Variants in TSGA13 observed in about 807,000 individuals in gnomAD.
TSGA13 encodes testis specific 13, also known as testis-specific gene 13 protein.
Under a neutral mutation model 35.1 loss-of-function variants are expected in TSGA13, and 37 were observed. The ratio of observed to expected loss-of-function variants is 1.05; its 90% CI spans 0.81 to 1.39. The LOEUF is 1.39. Ranked by LOEUF, TSGA13 falls within the 40% of genes most tolerant of loss-of-function variation. The probability of loss-of-function intolerance (pLI) is 0.00; values close to 1 mark genes in which losing one functional copy is unlikely to be tolerated. For missense variants in TSGA13, 338 were observed against 328.5 expected, an observed-to-expected ratio of 1.03 and a Z score of -0.22; for synonymous variants, 124 against 121.2, an observed-to-expected ratio of 1.02 and a Z score of -0.15.
Position 130,672,750 on chromosome 7 carries a change from G to C in TSGA13, c.514C>G (p.Arg172Gly), listed in dbSNP as rs782135658. Residue 172 changes from arginine to glycine, a missense_variant, in exon 6 of 8, where the codon CGA (arginine) becomes GGA (glycine). Physicochemically the swap from Arg to Gly is moderately radical, Grantham distance 125 (BLOSUM62 -2). Transcript: ENST00000356588. ...LILSDDPTSK[R>G]EQWFRFSTDN... ...AGATTTCACCTAAACCATTGTTCTC[G>C]CTTGGATGTGGGATCATCCGACAGT... The C allele has an allele frequency of 4.3e-6, 7 of 1,613,360 alleles. No individual in the cohort carries two copies. Among genetic ancestry groups the C allele is most frequent in the African/African-American group, 4.0e-5 (3 of 74,888 alleles).
At chr7:130,686,095 T>C (rs1381171030) in intron 1 of TSGA13, among the ~76,000 whole-genome samples, 167 bp downstream of exon 1, 2 of 152,200 alleles carry the variant, frequency 1.3e-5, no homozygotes, top group East Asian at 3.8e-4. Flanking sequence ...CAAATTCCTA[T>C]GAAGCCCACA....
At chr7:130,682,899 A>G (rs889161863) in intron 3 of TSGA13, among the ~76,000 whole-genome samples, 2 of 152,220 alleles carry the variant, frequency 1.3e-5, no homozygotes, top group Non-Finnish European at 2.9e-5. Flanking sequence ...CACCTTATGG[A>G]AAACTAAAGT....
rs1464527176 is a variant in TSGA13 at position 130,669,124 on chromosome 7, G to A, written c.718C>T (p.Leu240Phe). The A allele has an allele frequency of 1.9e-6, 3 of 1,614,098 alleles. No individual in the cohort carries two copies. The highest frequency in any genetic ancestry group is 2.5e-6 in the Non-Finnish European group (3 of 1,180,038). Reference protein sequence around the residue: ...ISKVIREPLTLASLLEDMPTR... With the variant: ...ISKVIREPLTFASLLEDMPTR... ...GGCATGTCTTCCAAGAGCGATGCGA[G>A]TGTCAGTGGTTCCCGAATCACTTTG... The change falls in exon 8 of 8, where the codon CTC becomes TTC. Residue 240 changes from leucine to phenylalanine, a missense_variant. By Grantham distance (22) the Leu-to-Phe change is conservative. Transcript: ENST00000356588.
rs534267722 is a variant in TSGA13, at chr7:130,673,730, G to T, written c.388-854C>A. ...CAGTTCATATTCTAACTAATGTGCG[G>T]CAATCTGAAATGAAAACAATATGCC... On this transcript the variant is annotated intron_variant, in intron 5 of 7. Transcript: ENST00000356588. 5.3e-5 allele frequency among the ~76,000 whole-genome samples: 8 copies of T among 152,088 alleles called. No individual in the cohort carries two copies. The East Asian group carries it at 1.5e-3, about 29-fold the overall frequency.
At chr7:130,675,219 A>ATG (rs1217126137) in intron 5 of TSGA13, among the ~76,000 whole-genome samples, 23 of 151,006 alleles carry the variant, frequency 1.5e-4, no homozygotes, top group South Asian at 4.2e-4. Flanking sequence ...CTCCATAAAT[A>ATG]TGTGTGTATA....
chr7:130,676,372 A>G (rs1012685564), intron 5 of TSGA13, among the ~76,000 whole-genome samples: 2 of 152,234 alleles, frequency 1.3e-5, no homozygotes, highest in Admixed American at 6.5e-5. Flanking sequence ...TTGCTCATCA[A>G]TATGATTAGA....
At chr7:130,677,908 ATTACT>A (rs1796450800) in intron 5 of TSGA13, among the ~76,000 whole-genome samples, 1 of 152,150 alleles carries the variant, frequency 6.6e-6, no homozygotes, top group Non-Finnish European at 1.5e-5. Flanking sequence ...ATATTCTTCT[ATTACT>A]TTAACATACC....
intron 5 of TSGA13, among the ~76,000 whole-genome samples, chr7:130,677,477 T>G (rs988576181): frequency 6.6e-6 from 1 of 152,034 alleles, no homozygotes; most frequent in African/African-American, 2.4e-5. Flanking sequence ...CATGCTGGAA[T>G]GCAGTAGCGC....
chr7:130,675,441 T>C (rs1796390637), intron 5 of TSGA13, among the ~76,000 whole-genome samples: 1 of 152,020 alleles, frequency 6.6e-6, no homozygotes, highest in Non-Finnish European at 1.5e-5. Flanking sequence ...TGGACTGCAG[T>C]GGCACAGTCT....
At chr7:130,682,310 G>A in intron 3 of TSGA13, among the ~76,000 whole-genome samples, 1 of 152,034 alleles carries the variant, frequency 6.6e-6, no homozygotes, top group South Asian at 2.1e-4. Flanking sequence ...AGTAGAGATG[G>A]GGTTTCGCCA....
chr7:130,680,448 G>A (rs1453973651), intron 4 of TSGA13, among the ~76,000 whole-genome samples: 1 of 151,162 alleles, frequency 6.6e-6, no homozygotes, highest in Non-Finnish European at 1.5e-5. Context: ...GGAGCTTGCA[G>A]TGAGCCGAGA....
intron 7 of TSGA13, 115 bp from the exon 8 acceptor site, chr7:130,669,298 G>A (rs1178924940): frequency 7.4e-7 from 1 of 1,348,898 alleles, no homozygotes; most frequent in African/African-American, 1.4e-5. Flanking sequence ...GGTCTTTAGA[G>A]GGTAGATTTT....
upstream of TSGA13, chr7:130,686,907 C>G (rs928197659): frequency 3.3e-5 from 5 of 152,436 alleles, no homozygotes; most frequent in East Asian, 1.9e-4. Flanking sequence ...TCTGACGGAG[C>G]CTCACACTGT....
rs912209763 is a variant in TSGA13 at position 130,685,215 on chromosome 7, G to A, written c.-5C>T. On this transcript the variant is annotated 5_prime_UTR_variant, in exon 2 of 8. Coordinates refer to ENST00000356588, the MANE Select transcript of TSGA13 (RefSeq NM_052933.4). The stretch of plus-strand genomic sequence containing the variant: ...GGTTTGTCTCTTTTGGCTCATTGCT[G>A]TTGACTGCTAGTTGGCCAACCCAAG... The A allele has an allele frequency of 6.2e-7, 1 of 1,613,230 alleles. No homozygotes were observed. The highest frequency in any genetic ancestry group is 8.5e-7 in the Non-Finnish European group (1 of 1,179,208).
At chr7:130,683,467 T>C (rs1414758898) in intron 3 of TSGA13, 127 bp downstream of exon 3, 7 of 761,020 alleles carry the variant, frequency 9.2e-6, no homozygotes, top group Non-Finnish European at 1.2e-5. Context: ...AAGTTAACCT[T>C]GTTTTCCATA....
intron 6 of TSGA13, among the ~76,000 whole-genome samples, chr7:130,672,430 T>C (rs1796293849): frequency 1.3e-5 from 2 of 152,082 alleles, no homozygotes; most frequent in Admixed American, 6.5e-5. Context: ...AGCACATGGT[T>C]CCTGTGATAT....
chr7:130,680,018 T>G (rs915073865), intron 4 of TSGA13, among the ~76,000 whole-genome samples: 3 of 152,180 alleles, frequency 2.0e-5, no homozygotes, highest in Admixed American at 1.3e-4. Flanking sequence ...CTAATTGGCC[T>G]TGTCTCTACA....
upstream of TSGA13, chr7:130,686,732 ACACAC>A (rs1796668585): frequency 2.0e-5 from 3 of 151,668 alleles, no homozygotes; most frequent in Admixed American, 1.3e-4. Flanking sequence ...ACACACACAC[ACACAC>A]ACATCTTCAC....
intron 4 of TSGA13, among the ~76,000 whole-genome samples, chr7:130,679,816 A>G (rs1368363880): frequency 2.6e-5 from 4 of 152,170 alleles, no homozygotes; most frequent in Non-Finnish European, 5.9e-5. Flanking sequence ...GAGTTATCAC[A>G]CGCAGCCCTA....
Sources: gnomAD v4.1 joint callset for allele counts (sites outside exome capture counted in the v4.1 genomes callset) on GRCh38, gnomAD v4.1.1 for gene constraint, MANE v1.5 for transcripts, NCBI Gene and HGNC (gene_info 2026-07-23, HGNC 2026-07-21) for gene names.